PRKACB: variants seen among roughly 807,000 people sequenced by gnomAD.
The protein encoded by PRKACB is protein kinase cAMP-activated catalytic subunit beta.
In PRKACB, 16 loss-of-function variants were observed where a neutral mutation model predicts 51.4. The ratio of observed to expected loss-of-function variants is 0.31; its 90% CI spans 0.21 to 0.47. The LOEUF (loss-of-function observed/expected upper bound fraction) is 0.47. PRKACB is among the 20% of genes least tolerant of loss of function. The probability of loss-of-function intolerance (pLI) is 1.00; values close to 1 mark genes in which losing one functional copy is unlikely to be tolerated. For missense variants in PRKACB, 309 were observed against 464.5 expected (o/e 0.67, Z 3.08); for synonymous variants, 147 against 154.4 (o/e 0.95, Z 0.35).
At chr1:84,232,670 C>T (rs1310859815) in intron 9 of PRKACB, among the ~76,000 whole-genome samples, 14 of 152,158 alleles carry the variant, frequency 9.2e-5, no homozygotes, top group African/African-American at 2.4e-5. Flanking sequence ...TATGTAATGG[C>T]CTTTTTTGAC....
intron 1 of PRKACB, among the ~76,000 whole-genome samples, chr1:84,145,573 A>G (rs1397122816): frequency 6.6e-6 from 1 of 152,102 alleles, no homozygotes; most frequent in Admixed American, 6.6e-5. Context: ...TTTTTTACTA[A>G]ATCAGAAATT....
At chr1:84,144,134 A>G, upstream of PRKACB, 1 of 712,590 alleles carries the variant, frequency 1.4e-6, no homozygotes, top group Non-Finnish European at 2.1e-6. Context: ...TTTTAGGCAG[A>G]TATTGCAAGT....
chr1:84,189,783 A>G (rs1170913137), intron 5 of PRKACB, among the ~76,000 whole-genome samples: 3 of 152,130 alleles, frequency 2.0e-5, no homozygotes, highest in African/African-American at 7.2e-5. Flanking sequence ...CAGATTTTAT[A>G]ATTAAAAATC....
chr1:84,119,356 A>G (rs945833664), intron 1 of PRKACB, among the ~76,000 whole-genome samples: 1 of 152,158 alleles, frequency 6.6e-6, no homozygotes, highest in Non-Finnish European at 1.5e-5. Context: ...AACCTGTCCA[A>G]CTATTAAAGA....
chr1:84,179,275 T>C (rs1477527136), intron 2 of PRKACB, 37 bp downstream of exon 2: 1 of 1,511,000 alleles, frequency 6.6e-7, no homozygotes, highest in East Asian at 2.4e-5. Context: ...ATTAAAAATC[T>C]TGTATTAATA....
At chr1:84,152,242 T>C (rs1422744406) in intron 1 of PRKACB, among the ~76,000 whole-genome samples, 1 of 152,194 alleles carries the variant, frequency 6.6e-6, no homozygotes, top group Admixed American at 6.5e-5. Context: ...CAAACAGATA[T>C]GGTGTCATCT....
intron 1 of PRKACB, among the ~76,000 whole-genome samples, chr1:84,156,288 C>CT (rs1655493420): frequency 1.3e-5 from 2 of 152,106 alleles, no homozygotes; most frequent in African/African-American, 4.8e-5. Context: ...AACATATAAG[C>CT]TAGTGATATC....
At chr1:84,199,726 A>G (rs1383277420) in intron 7 of PRKACB, among the ~76,000 whole-genome samples, 1 of 152,228 alleles carries the variant, frequency 6.6e-6, no homozygotes, top group African/African-American at 2.4e-5. Context: ...AGGAATCTCC[A>G]TACTGCTTTC....
At chr1:84,098,421 A>T (rs935330684) in intron 1 of PRKACB, among the ~76,000 whole-genome samples, 2 of 151,990 alleles carry the variant, frequency 1.3e-5, no homozygotes, top group African/African-American at 4.8e-5. Flanking sequence ...GTTCATGAAG[A>T]TAGTTTCTTT....
intron 5 of PRKACB, 100 bp from the exon 6 acceptor site, chr1:84,196,516 C>T: frequency 3.3e-6 from 4 of 1,196,760 alleles, no homozygotes; most frequent in Non-Finnish European, 3.4e-6. Context: ...CTTTTTGTTC[C>T]CAAAGTACCT....
At chr1:84,125,356 T>C (rs74095506) in intron 1 of PRKACB, among the ~76,000 whole-genome samples, 2,304 of 152,308 alleles carry the variant, frequency 0.015, 61 homozygotes, top group African/African-American at 0.052. Flanking sequence ...GCCATGGCTC[T>C]CTTCTGCTCC....
chr1:84,098,428 CT>C (rs1185599625), intron 1 of PRKACB, among the ~76,000 whole-genome samples: 1 of 151,958 alleles, frequency 6.6e-6, no homozygotes, highest in Non-Finnish European at 1.5e-5. Context: ...AAGATAGTTT[CT>C]TTTGTTCTTC....
chr1:84,209,807 C>T (rs914443954), intron 8 of PRKACB, among the ~76,000 whole-genome samples: 9 of 152,280 alleles, frequency 5.9e-5, no homozygotes, highest in African/African-American at 7.2e-5. Context: ...CTTATATAAT[C>T]CAAGCACAAA....
At chr1:84,202,591 A>G (rs980887859) in intron 7 of PRKACB, 92 bp from the exon 8 acceptor site, 15 of 1,347,764 alleles carry the variant, frequency 1.1e-5, no homozygotes, top group Admixed American at 5.1e-5. Flanking sequence ...AAAAATTTTT[A>G]TATGCTTCCA....
intron 1 of PRKACB, among the ~76,000 whole-genome samples, chr1:84,085,073 A>T (rs1412124304): frequency 6.6e-6 from 1 of 152,236 alleles, no homozygotes; most frequent in Non-Finnish European, 1.5e-5. Context: ...TTTTGAAAAG[A>T]GGAAAGCCAA....
intron 1 of PRKACB, among the ~76,000 whole-genome samples, chr1:84,090,253 A>T (rs1648349449): frequency 6.6e-6 from 1 of 152,196 alleles, no homozygotes; most frequent in South Asian, 2.1e-4. Context: ...TTTTACAAGG[A>T]AAATAAAAGC....
chr1:84,220,212 G>T (rs1300266893), intron 9 of PRKACB, among the ~76,000 whole-genome samples: 2 of 151,392 alleles, frequency 1.3e-5, no homozygotes, highest in East Asian at 3.9e-4. Context: ...TTATTTTTTT[G>T]TAGCTATTAT....
intron 5 of PRKACB, among the ~76,000 whole-genome samples, chr1:84,196,006 G>A (rs992537505): frequency 6.6e-6 from 1 of 151,958 alleles, no homozygotes; most frequent in African/African-American, 2.4e-5. Context: ...TAAAAGATTT[G>A]GAAATTCTGA....
At chr1:84,200,840 A>AAC (rs1669890476) in intron 7 of PRKACB, among the ~76,000 whole-genome samples, 1 of 152,008 alleles carries the variant, frequency 6.6e-6, no homozygotes, top group Non-Finnish European at 1.5e-5. Context: ...AATCATAGTA[A>AAC]ATATATATAG....
Sources: gnomAD v4.1 joint callset for allele counts (sites outside exome capture counted in the v4.1 genomes callset) on GRCh38, gnomAD v4.1.1 for gene constraint, MANE v1.5 for transcripts, NCBI Gene and HGNC (gene_info 2026-07-23, HGNC 2026-07-21) for gene names.